The following ZNF556 variants were observed in gnomAD, a reference collection of about 807,000 sequenced individuals.
ZNF556 encodes the protein zinc finger protein 556.
In ZNF556, 11 loss-of-function variants were observed where a neutral mutation model predicts 13.6. That is an observed-to-expected ratio of 0.81 (90% confidence interval 0.51 to 1.33). ZNF556 has a LOEUF of 1.33. Among genes scored for constraint, ZNF556 ranks in the 40% most tolerant of loss-of-function variants. The pLI is 0.00. For missense variants in ZNF556, 633 were observed against 566.2 expected, an observed-to-expected ratio of 1.12 and a Z score of -1.20; for synonymous variants, 229 against 207.8, an observed-to-expected ratio of 1.10 and a Z score of -0.88.
rs2087915964 is a variant in ZNF556, at chr19:2,882,882, A to G, written c.*4553A>G. The G allele has an allele frequency of 1.3e-5, 2 of 152,330 alleles. No individual in the cohort carries two copies. Among genetic ancestry groups the G allele is most frequent in the South Asian group, 2.1e-4 (1 of 4,830 alleles). 9.4% of individuals were successfully genotyped at this position (152,330 alleles called of 1,614,324 possible). ...GTCATATGTTTTTATGAGTTTGGAC[A>G]TTGGCATCTGGGACCAGGTACTTCA... On this transcript the variant is annotated 3_prime_UTR_variant, in exon 4 of 4. Transcript: ENST00000307635.
Position 2,878,239 on chromosome 19 carries a change from C to T in ZNF556, c.1281C>T (p.Cys427=), listed in dbSNP as rs540339084. 1.2e-5 allele frequency: 19 copies of T among 1,613,848 alleles called. No individual in the cohort carries two copies. Among genetic ancestry groups the T allele is most frequent in the East Asian group, 1.1e-4 (5 of 44,888 alleles). Reference sequence around the variant, plus strand: ...AGATTGGACAGAAGCCCAGTAAATGCGAAAAATGTGGGAAAGCTTTCAGTT... The same window carrying T: ...AGATTGGACAGAAGCCCAGTAAATGTGAAAAATGTGGGAAAGCTTTCAGTT... ...RTQIGQKPSK[C]EKCGKAFSCP... is the part of the protein sequence containing the mutation. Residue 427 remains cysteine (C), a synonymous_variant, in exon 4 of 4, where the codon TGC becomes TGT. Transcript: ENST00000307635.
At chr19:2,872,609 T>C (rs2087813093) in intron 1 of ZNF556, among the ~76,000 whole-genome samples, 1 of 152,094 alleles carries the variant, frequency 6.6e-6, no homozygotes, top group Non-Finnish European at 1.5e-5. Flanking sequence ...TACTTGATAT[T>C]TTATTATACT....
intron 1 of ZNF556, among the ~76,000 whole-genome samples, chr19:2,871,597 A>C (rs1353089762): frequency 6.6e-6 from 1 of 152,174 alleles, no homozygotes; most frequent in Non-Finnish European, 1.5e-5. Flanking sequence ...GTGGATCACG[A>C]GGCCAGGGGT....
At position 2,873,755 on chromosome 19, in the gene ZNF556, A is replaced by G. The variant is rs575062924; in HGVS notation, c.130+133A>G. On this transcript the variant is annotated intron_variant, in intron 2 of 3. Coordinates refer to ENST00000307635, the MANE Select transcript of ZNF556 (RefSeq NM_024967.3). ...GATCACTTGAGGCTAGGAGTTGACA[A>G]CCAGCCTGGGCAACATAGTGAGACC... 4.6e-6 allele frequency: 5 copies of G among 1,087,556 alleles called. No homozygotes were observed. The South Asian group carries it at 5.0e-5, about 11-fold the overall frequency. 67.4% of individuals were successfully genotyped at this position (1,087,556 alleles called of 1,614,324 possible).
At chr19:2,876,918 A>G (rs747119003) in intron 3 of ZNF556, among the ~76,000 whole-genome samples, 2 of 152,084 alleles carry the variant, frequency 1.3e-5, no homozygotes, top group African/African-American at 2.4e-5. Flanking sequence ...ATTAATATAT[A>G]TTAAGAAATA....
Position 2,867,547 on chromosome 19 carries a change from T to A in ZNF556, c.3+123T>A. The A allele has an allele frequency of 5.7e-6, 8 of 1,414,480 alleles. No homozygotes were observed. The South Asian group carries it at 8.7e-5, about 15-fold the overall frequency. 87.6% of individuals were successfully genotyped at this position (1,414,480 alleles called of 1,614,324 possible). A position where few individuals can be genotyped will look rare whatever the true frequency, so the allele number is the denominator to read the frequency against. ...AACCCCCATGCAGCCTCTGTCCCTG[T>A]GTCACCCCCGGGTCCTGCGGGGAGT... On this transcript the variant is annotated intron_variant, in intron 1 of 3. Transcript: ENST00000307635.
chr19:2,868,316 A>G lies in ZNF556; in HGVS notation c.3+892A>G, dbSNP rs74949466. ...TTCCTACAAGAAAAAAATGTTTGGTATATAATTTGGTGAATTACAAAAACT... is the reference window on the plus strand; with the variant it reads ...TTCCTACAAGAAAAAAATGTTTGGTGTATAATTTGGTGAATTACAAAAACT... On this transcript the variant is annotated intron_variant, in intron 1 of 3. Transcript: ENST00000307635. 6.8e-3 allele frequency among the ~76,000 whole-genome samples: 1,037 copies of G among 152,298 alleles called. 11 individuals are homozygous for G. Among genetic ancestry groups the G allele is most frequent in the African/African-American group, 0.023 (974 of 41,574 alleles).
Position 2,873,480 on chromosome 19 carries a change from A to T in ZNF556, c.4-16A>T, listed in dbSNP as rs7253861. 0.023 allele frequency: 37,065 copies of T among 1,613,520 alleles called. 823 individuals are homozygous for T. The highest frequency in any genetic ancestry group is 0.11 in the African/African-American group (8,317 of 74,964). On this transcript the variant is annotated splice_polypyrimidine_tract_variant and intron_variant, in intron 1 of 3. Coordinates refer to ENST00000307635, the MANE Select transcript of ZNF556 (RefSeq NM_024967.3). ...TTTTACCCCATCCTCATGTACACAT[A>T]TGTGGTTTGTTTTAGGACACAGTGG...
rs201261586 is a variant in ZNF556, at chr19:2,877,399, C to T, written c.441C>T (p.Tyr147=). 2.1e-5 allele frequency: 34 copies of T among 1,614,128 alleles called. No homozygotes were observed. Among genetic ancestry groups the T allele is most frequent in the Middle Eastern group, 1.6e-4 (1 of 6,062 alleles). Reference sequence around the variant, plus strand: ...ATTGTTGTACTAGTGTAAGACGGTACGAATGCAGTCAGTGTGGAAAACTCT... The same window carrying T: ...ATTGTTGTACTAGTGTAAGACGGTATGAATGCAGTCAGTGTGGAAAACTCT... The part of the protein sequence containing the change: ...RKNCCTSVRR[Y]ECSQCGKLFT... Residue 147 remains tyrosine (Y), a synonymous_variant, in exon 4 of 4, where the codon TAC becomes TAT. Transcript: ENST00000307635.
At chr19:2,873,401 C>A in intron 1 of ZNF556, 95 bp from the exon 2 acceptor site, 1 of 1,454,286 alleles carries the variant, frequency 6.9e-7, no homozygotes, top group Non-Finnish European at 9.5e-7. Context: ...TGGCAGACTG[C>A]AGGATCTTGT....
Position 2,878,248 on chromosome 19 carries a change from TG to T in ZNF556, c.1293del (p.Ala433LeufsTer12). 5 of 1,614,144 alleles carry T rather than the reference TG, an allele frequency of 3.1e-6. No homozygotes were observed. The highest frequency in any genetic ancestry group is 4.2e-6 in the Non-Finnish European group (5 of 1,180,030). On this transcript the variant is annotated frameshift_variant, in exon 4 of 4. Coordinates refer to ENST00000307635, the MANE Select transcript of ZNF556 (RefSeq NM_024967.3). LOFTEE classifies it low-confidence loss of function (END_TRUNC). ...AGAAGCCCAGTAAATGCGAAAAATG[TG>T]GGAAAGCTTTCAGTTGTCCCAAAGC... is the stretch of plus-strand genomic sequence containing the variant. ...GQKPSKCEKC[G>X]KAFSCPKAFQ...
At position 2,880,956 on chromosome 19, in the gene ZNF556, C is replaced by A. The variant is rs914665507; in HGVS notation, c.*2627C>A. 2 of 151,190 alleles carry A rather than the reference C, an allele frequency of 1.3e-5. No individual in the cohort carries two copies. Among genetic ancestry groups the A allele is most frequent in the Non-Finnish European group, 2.9e-5 (2 of 67,838 alleles). The allele number at this position is 151,190 out of a possible 1,614,324, so 9.4% of individuals were successfully genotyped here. On this transcript the variant is annotated 3_prime_UTR_variant, in exon 4 of 4. Transcript: ENST00000307635. ...TGATCTTGGCTCACTGCAACCCCCC[C>A]GCCAAGGTTCAAGTGATTCTCCTAC...
rs777587179 is a variant in ZNF556, at chr19:2,876,163, C to T, written c.201C>T (p.Leu67=). Residue 67 remains leucine, a synonymous_variant, in exon 3 of 4, where the codon CTC becomes CTT. Coordinates refer to ENST00000307635, the MANE Select transcript of ZNF556 (RefSeq NM_024967.3). ...QQDTSGEKLS[L]KQKIEKFTRK... Reference sequence around the variant, plus strand: ...ATACTTCTGGAGAAAAATTATCCCTCAAACAGAAAATAGAAAAGTTCACAA... The same window carrying T: ...ATACTTCTGGAGAAAAATTATCCCTTAAACAGAAAATAGAAAAGTTCACAA... 1.9e-6 allele frequency: 3 copies of T among 1,612,846 alleles called. No individual in the cohort carries two copies. Among genetic ancestry groups the T allele is most frequent in the Admixed American group, 1.7e-5 (1 of 59,754 alleles).
At chr19:2,876,889 A>C (rs2087856844) in intron 3 of ZNF556, among the ~76,000 whole-genome samples, 2 of 152,092 alleles carry the variant, frequency 1.3e-5, no homozygotes. Flanking sequence ...AAAATGGCAA[A>C]AATGTTATCC....
At chr19:2,870,820 A>G (rs2087796758) in intron 1 of ZNF556, among the ~76,000 whole-genome samples, 1 of 151,620 alleles carries the variant, frequency 6.6e-6, no homozygotes, top group Non-Finnish European at 1.5e-5. Flanking sequence ...CAGGTGGATC[A>G]CAAGGTCAGG....
In ZNF556 at chr19:2,877,672, A is replaced by G. The variant is rs746762298; in HGVS notation, c.714A>G (p.Lys238=). 1 of 1,614,244 alleles carries G rather than the reference A, an allele frequency of 6.2e-7. No individual in the cohort carries two copies. The highest frequency in any genetic ancestry group is 8.5e-7 in the Non-Finnish European group (1 of 1,180,044). ...EKPYECGQCG[K]GFSCPKSFRA... ...CCTACGAATGTGGGCAGTGTGGGAA[A>G]GGCTTCAGTTGTCCCAAATCCTTTC... is the stretch of plus-strand genomic sequence containing the variant. Residue 238 remains lysine, a synonymous_variant, in exon 4 of 4, where the codon AAA becomes AAG. Coordinates refer to ENST00000307635, the MANE Select transcript of ZNF556 (RefSeq NM_024967.3).
Position 2,877,362 on chromosome 19 carries a change from A to C in ZNF556, c.404A>C (p.His135Pro), listed in dbSNP as rs756250762. The change falls in exon 4 of 4, where the codon CAT (histidine) becomes CCT (proline). Residue 135 changes from histidine (H) to proline (P), a missense_variant. By Grantham distance (77) the His-to-Pro change is moderately conservative. Coordinates refer to ENST00000307635, the MANE Select transcript of ZNF556 (RefSeq NM_024967.3). ...AGAAAGACTCGAAATTGTAATCGTCATCTGCGCAAGAATTGTTGTACTAGT... is the reference window on the plus strand; with the variant it reads ...AGAAAGACTCGAAATTGTAATCGTCCTCTGCGCAAGAATTGTTGTACTAGT... ...TFRKTRNCNR[H>P]LRKNCCTSVR... The C allele has an allele frequency of 3.0e-5, 49 of 1,614,224 alleles. No individual in the cohort carries two copies. The highest frequency in any genetic ancestry group is 4.1e-5 in the Non-Finnish European group (48 of 1,180,048).
intron 1 of ZNF556, 59 bp downstream of exon 1, chr19:2,867,483 C>A (rs1261060989): frequency 6.4e-7 from 1 of 1,564,522 alleles, no homozygotes; most frequent in Admixed American, 2.0e-5. Context: ...GGGTTGGAAG[C>A]GGCCAGAACA....
Position 2,880,832 on chromosome 19 carries a change from C to G in ZNF556, c.*2503C>G, listed in dbSNP as rs933984469. ...AGATTTAGACATTTTCTTTCTAGTA[C>G]ATTTGTTTCCTATACTGTTATAATT... On this transcript the variant is annotated 3_prime_UTR_variant, in exon 4 of 4. Transcript: ENST00000307635. The G allele has an allele frequency of 6.6e-6, 1 of 151,456 alleles. No homozygotes were observed. Among genetic ancestry groups the G allele is most frequent in the Non-Finnish European group, 1.5e-5 (1 of 67,924 alleles). 9.4% of individuals were successfully genotyped at this position (151,456 alleles called of 1,614,324 possible). A position where few individuals can be genotyped will look rare whatever the true frequency, so the allele number is the denominator to read the frequency against.
Sources: gnomAD v4.1 joint callset for allele counts (sites outside exome capture counted in the v4.1 genomes callset) on GRCh38, gnomAD v4.1.1 for gene constraint, MANE v1.5 for transcripts, NCBI Gene and HGNC (gene_info 2026-07-23, HGNC 2026-07-21) for gene names.